The following GPLD1 variants were observed in gnomAD, a reference collection of about 807,000 sequenced individuals.
The protein encoded by GPLD1 is phosphatidylinositol-glycan-specific phospholipase D.
In GPLD1, 84 loss-of-function variants were observed where a neutral mutation model predicts 112.6. The ratio of observed to expected loss-of-function variants is 0.75; its 90% CI spans 0.63 to 0.89. The LOEUF is 0.89. GPLD1 is among the 40% of genes least tolerant of loss of function. GPLD1 has a pLI of 0.00. For synonymous variants in GPLD1, 386 were observed against 403.8 expected, an observed-to-expected ratio of 0.96 and a Z score of 0.53; for missense variants, 1,044 against 1,051.5, an observed-to-expected ratio of 0.99 and a Z score of 0.10.
chr6:24,467,582 T>G (rs2127355210), intron 7 of GPLD1, among the ~76,000 whole-genome samples: 1 of 152,292 alleles, frequency 6.6e-6, no homozygotes, highest in South Asian at 2.1e-4. Context: ...AAACTAACTA[T>G]AACGTACAAA....
At chr6:24,424,814 A>T (rs1251142103), downstream of GPLD1, 2 of 152,238 alleles carry the variant, frequency 1.3e-5, no homozygotes, top group Non-Finnish European at 2.9e-5. Flanking sequence ...AGGGTACATG[A>T]TTAGCCTAAT....
intron 12 of GPLD1, among the ~76,000 whole-genome samples, chr6:24,456,871 G>A (rs542925896): frequency 3.3e-5 from 5 of 152,288 alleles, no homozygotes; most frequent in African/African-American, 1.2e-4. Context: ...CAGCCCAAGA[G>A]GTTGGGACCA....
chr6:24,482,940 A>G (rs1362576834), intron 2 of GPLD1, among the ~76,000 whole-genome samples: 2 of 152,118 alleles, frequency 1.3e-5, no homozygotes, highest in Non-Finnish European at 2.9e-5. Flanking sequence ...GTGAGACCCT[A>G]TCTCAAAAAA....
At chr6:24,440,508 G>A (rs981495999) in intron 20 of GPLD1, among the ~76,000 whole-genome samples, 5 of 145,310 alleles carry the variant, frequency 3.4e-5, no homozygotes, top group African/African-American at 1.3e-4. Context: ...CAGGATTACT[G>A]CAAAAGTCAA....
Position 24,473,642 on chromosome 6 carries a change from T to G in GPLD1, c.467A>C (p.Glu156Ala). ...GAIDFHGSYSEAHSAGDFGGD... is the reference protein window; with the variant it reads ...GAIDFHGSYSAAHSAGDFGGD... Reference sequence around the variant, plus strand: ...ACCAAAATCACCAGCCGAATGAGCCTCTGAATAGGAGCCGTGAAAATCAAT... The same window carrying G: ...ACCAAAATCACCAGCCGAATGAGCCGCTGAATAGGAGCCGTGAAAATCAAT... Residue 156 changes from glutamate to alanine, a missense_variant, in exon 6 of 25, where the codon GAG becomes GCG. By Grantham distance (107) the Glu-to-Ala change is moderately radical (BLOSUM62 -1). Coordinates refer to ENST00000230036, the MANE Select transcript of GPLD1 (RefSeq NM_001503.4). The G allele has an allele frequency of 6.2e-7, 1 of 1,609,194 alleles. No individual in the cohort carries two copies. Among genetic ancestry groups the G allele is most frequent in the Non-Finnish European group, 8.5e-7 (1 of 1,175,886 alleles).
chr6:24,473,782 G>A (rs1414790526), intron 5 of GPLD1, 115 bp from the exon 6 acceptor site: 3 of 600,374 alleles, frequency 5.0e-6, no homozygotes, highest in Non-Finnish European at 9.0e-6. Flanking sequence ...TGCTGAGGAC[G>A]CATAATAGAC....
chr6:24,459,443 G>C (rs1043090844), intron 12 of GPLD1, among the ~76,000 whole-genome samples: 1 of 124,300 alleles, frequency 8.0e-6, no homozygotes, highest in African/African-American at 2.8e-5. Context: ...TTTTTGTAGA[G>C]ACAGGGTCTC....
At chr6:24,490,684 G>A (rs895382824), upstream of GPLD1, among the ~76,000 whole-genome samples, 2 of 151,962 alleles carry the variant, frequency 1.3e-5, no homozygotes, top group African/African-American at 4.8e-5. Flanking sequence ...CCCAGGAGGT[G>A]GAGATTGCGG....
At chr6:24,442,001 C>T (rs1762761588) in intron 20 of GPLD1, among the ~76,000 whole-genome samples, 1 of 147,614 alleles carries the variant, frequency 6.8e-6, no homozygotes, top group East Asian at 1.9e-4. Context: ...TAGACACATA[C>T]ATGTATATAT....
intron 12 of GPLD1, among the ~76,000 whole-genome samples, chr6:24,457,430 G>A (rs1344826693): frequency 1.3e-5 from 2 of 152,098 alleles, no homozygotes; most frequent in African/African-American, 4.8e-5. Context: ...GCAATGAGCT[G>A]AGATCTCACC....
intron 1 of GPLD1, among the ~76,000 whole-genome samples, 170 bp downstream of exon 1, chr6:24,489,245 C>CTA (rs1764484382): frequency 1.3e-5 from 2 of 152,176 alleles, no homozygotes; most frequent in African/African-American, 4.8e-5. Context: ...CTGCCAATCC[C>CTA]TATCCCTGGA....
intron 14 of GPLD1, among the ~76,000 whole-genome samples, chr6:24,450,456 G>A (rs1404311285): frequency 2.0e-5 from 3 of 151,554 alleles, no homozygotes; most frequent in South Asian, 4.2e-4. Context: ...AGCCAAGATC[G>A]TGCCACTGCA....
intron 22 of GPLD1, among the ~76,000 whole-genome samples, chr6:24,434,042 A>G (rs1762491789): frequency 6.6e-6 from 1 of 152,172 alleles, no homozygotes; most frequent in Non-Finnish European, 1.5e-5. Flanking sequence ...TAAATATCAT[A>G]TTATATAAGA....
At chr6:24,482,283 T>TC (rs1242228891) in intron 2 of GPLD1, among the ~76,000 whole-genome samples, 1 of 127,832 alleles carries the variant, frequency 7.8e-6, no homozygotes, top group African/African-American at 4.5e-5. Context: ...GTATTTTTTT[T>TC]CTTTTTTTCT....
rs150699523 is a variant in GPLD1 at position 24,454,129 on chromosome 6, G to A, written c.1221C>T (p.Arg407=). 8.4e-5 allele frequency: 135 copies of A among 1,614,102 alleles called. 1 individual carries two copies. Among genetic ancestry groups the A allele is most frequent in the Middle Eastern group, 5.0e-4 (3 of 6,056 alleles). ...DLVVGAPGYS[R]PGHIHIGRVY... is the part of the protein sequence containing the mutation. The stretch of plus-strand genomic sequence containing the variant: ...CGCGCCCGATGTGGATGTGGCCGGG[G>A]CGGCTGTAGCCTGGTGCGCCCACCA... The change falls in exon 14 of 25, where the codon CGC becomes CGT. Residue 407 remains arginine, a synonymous_variant. Transcript: ENST00000230036.
intron 24 of GPLD1, among the ~76,000 whole-genome samples, chr6:24,429,951 G>A (rs1186048041): frequency 3.3e-5 from 5 of 152,188 alleles, no homozygotes; most frequent in African/African-American, 4.8e-5. Context: ...CATGAGGTAC[G>A]GGTGATCAAA....
intron 1 of GPLD1, chr6:24,494,844 C>T: frequency 1.2e-6 from 1 of 847,154 alleles, no homozygotes; most frequent in Non-Finnish European, 1.6e-6. Context: ...GGAGAGAGGG[C>T]GCTGCTCTGT....
Position 24,448,025 on chromosome 6 carries a change from G to A in GPLD1, c.1530C>T (p.Tyr510=), listed in dbSNP as rs1581744875. ...PNITISCQDI[Y]CNLGWTLLAA... ...CCAAGAGAGTCCAGCCCAAGTTACA[G>A]TAGATGTCCTTAAGAAGAAACCAGG... is the stretch of plus-strand genomic sequence containing the variant. Residue 510 remains tyrosine, a synonymous_variant, in exon 17 of 25, where the codon TAC becomes TAT. Transcript: ENST00000230036. 12 of 1,613,710 alleles carry A rather than the reference G, an allele frequency of 7.4e-6. No homozygotes were observed. Among genetic ancestry groups the A allele is most frequent in the Non-Finnish European group, 8.5e-6 (10 of 1,179,908 alleles).
At chr6:24,431,977 T>G (rs949351832) in intron 24 of GPLD1, among the ~76,000 whole-genome samples, 1 of 152,116 alleles carries the variant, frequency 6.6e-6, no homozygotes, top group African/African-American at 2.4e-5. Flanking sequence ...ATGCTCACTA[T>G]GGCCTTGTCT....
Sources: gnomAD v4.1 joint callset for allele counts (sites outside exome capture counted in the v4.1 genomes callset) on GRCh38, gnomAD v4.1.1 for gene constraint, MANE v1.5 for transcripts, NCBI Gene and HGNC (gene_info 2026-07-23, HGNC 2026-07-21) for gene names.